Variants in KCNQ3 observed in about 807,000 individuals in gnomAD.
KCNQ3 encodes potassium voltage-gated channel subfamily KQT member 3.
KCNQ3 carries 30 observed loss-of-function variants against 92.5 expected under a neutral mutation model. That is an observed-to-expected ratio of 0.32 (90% CI 0.24 to 0.44). KCNQ3 has a LOEUF of 0.44. Ranked by LOEUF, KCNQ3 falls within the 20% of genes least tolerant of loss-of-function variation. The probability of loss-of-function intolerance (pLI) is 1.00; values close to 1 mark genes in which losing one functional copy is unlikely to be tolerated. For missense variants in KCNQ3, 913 were observed against 1,140.3 expected (o/e 0.80, Z 2.87); for synonymous variants, 450 against 468.8 (o/e 0.96, Z 0.52).
intron 1 of KCNQ3, among the ~76,000 whole-genome samples, chr8:132,456,406 A>G (rs1821938960): frequency 6.6e-6 from 1 of 151,976 alleles, no homozygotes; most frequent in African/African-American, 2.4e-5. Context: ...CCCCAGCTTA[A>G]TATGTTTCAT....
At chr8:132,163,574 G>T in intron 8 of KCNQ3, 80 bp from the exon 9 acceptor site, 1 of 1,192,344 alleles carries the variant, frequency 8.4e-7, no homozygotes, top group East Asian at 2.4e-5. Context: ...TTGCTGCAAA[G>T]CTTCTCTCTG....
At chr8:132,355,435 C>T (rs1818993111) in intron 1 of KCNQ3, among the ~76,000 whole-genome samples, 1 of 151,958 alleles carries the variant, frequency 6.6e-6, no homozygotes, top group Admixed American at 6.6e-5. Context: ...CCAAGCTGAG[C>T]CAATCAGAAT....
rs565408265 is a variant in KCNQ3 at position 132,366,769 on chromosome 8, A to G, written c.386+113378T>C. On this transcript the variant is annotated intron_variant, in intron 1 of 14. Coordinates refer to ENST00000388996, the MANE Select transcript of KCNQ3 (RefSeq NM_004519.4). ...TCAATTTACTGAGGTGAAAAATGTTATAGATCTCCTAATGTTACATACCAG... is the reference window on the plus strand; with the variant it reads ...TCAATTTACTGAGGTGAAAAATGTTGTAGATCTCCTAATGTTACATACCAG... 5.3e-5 allele frequency among the ~76,000 whole-genome samples: 8 copies of G among 152,330 alleles called. No homozygotes were observed. In the East Asian group the frequency reaches 1.2e-3, roughly 22 times the overall value.
intron 1 of KCNQ3, among the ~76,000 whole-genome samples, chr8:132,312,408 G>C (rs1817621193): frequency 6.6e-6 from 1 of 152,154 alleles, no homozygotes; most frequent in African/African-American, 2.4e-5. Flanking sequence ...GAACAGCTAT[G>C]ACAGACTATG....
At chr8:132,134,055 T>C (rs1479587404) in intron 13 of KCNQ3, among the ~76,000 whole-genome samples, 1 of 152,256 alleles carries the variant, frequency 6.6e-6, no homozygotes, top group Non-Finnish European at 1.5e-5. Flanking sequence ...ATTATCACTT[T>C]CAAAAGTTAC....
intron 1 of KCNQ3, among the ~76,000 whole-genome samples, chr8:132,252,830 G>A (rs375234261): frequency 1.4e-4 from 21 of 152,224 alleles, no homozygotes; most frequent in African/African-American, 3.9e-4. Flanking sequence ...GTCCCCACTC[G>A]ACCCAGGAAG....
chr8:132,187,112 A>G (rs1586813031), intron 1 of KCNQ3: 1 of 451,666 alleles, frequency 2.2e-6, no homozygotes, highest in East Asian at 7.0e-5. Flanking sequence ...TTTATAAGCT[A>G]GGGTTTATGG....
At chr8:132,248,897 G>A (rs936377584) in intron 1 of KCNQ3, among the ~76,000 whole-genome samples, 3 of 152,356 alleles carry the variant, frequency 2.0e-5, no homozygotes, top group African/African-American at 7.2e-5. Flanking sequence ...TCCCGGGTGT[G>A]CTGGTGTGTC....
intron 1 of KCNQ3, among the ~76,000 whole-genome samples, chr8:132,281,759 G>A (rs1350423749): frequency 6.6e-6 from 1 of 152,124 alleles, no homozygotes; most frequent in Non-Finnish European, 1.5e-5. Context: ...TTTACAAAGT[G>A]AGGTTCATGT....
intron 1 of KCNQ3, among the ~76,000 whole-genome samples, chr8:132,414,939 G>C (rs1471113023): frequency 6.6e-6 from 1 of 152,234 alleles, no homozygotes; most frequent in Non-Finnish European, 1.5e-5. Flanking sequence ...AGTGGGCTGA[G>C]TTAGGGCTCC....
intron 1 of KCNQ3, among the ~76,000 whole-genome samples, chr8:132,316,965 TA>T (rs1215252656): frequency 4.6e-5 from 7 of 152,074 alleles, no homozygotes; most frequent in African/African-American, 1.4e-4. Context: ...GGAAAGAAAC[TA>T]TGTTAATCTT....
intron 1 of KCNQ3, among the ~76,000 whole-genome samples, chr8:132,449,687 C>A (rs1232937493): frequency 1.3e-5 from 2 of 152,142 alleles, no homozygotes; most frequent in Admixed American, 1.3e-4. Context: ...TGATCCCAAA[C>A]AATGAAGTGA....
intron 1 of KCNQ3, among the ~76,000 whole-genome samples, chr8:132,414,560 A>C (rs1253664940): frequency 6.6e-6 from 1 of 152,232 alleles, no homozygotes; most frequent in African/African-American, 2.4e-5. Context: ...AGCAATGGCT[A>C]TACAACAGAT....
chr8:132,413,157 C>T (rs891658668), intron 1 of KCNQ3, among the ~76,000 whole-genome samples: 2 of 152,362 alleles, frequency 1.3e-5, no homozygotes, highest in South Asian at 2.1e-4. Context: ...AAAGTGTTCT[C>T]GCCACGCTAC....
chr8:132,457,828 C>G (rs911710428), intron 1 of KCNQ3, among the ~76,000 whole-genome samples: 2 of 152,152 alleles, frequency 1.3e-5, no homozygotes, highest in Non-Finnish European at 2.9e-5. Flanking sequence ...ACATATTATC[C>G]TATTTTACCA....
At chr8:132,345,045 C>G (rs2130693369) in intron 1 of KCNQ3, among the ~76,000 whole-genome samples, 1 of 152,296 alleles carries the variant, frequency 6.6e-6, no homozygotes, top group East Asian at 1.9e-4. Context: ...CTGTAATTTG[C>G]TGATCCAGGG....
chr8:132,292,757 T>C (rs1474728738), intron 1 of KCNQ3, among the ~76,000 whole-genome samples: 1 of 152,188 alleles, frequency 6.6e-6, no homozygotes, highest in Non-Finnish European at 1.5e-5. Context: ...TTGGGGCACT[T>C]TGGGCCTCAG....
At position 132,134,565 on chromosome 8, in the gene KCNQ3, G is replaced by A. The variant is rs558944696; in HGVS notation, c.1701-177C>T. ...GAGAGGAGAAGTGAGGAGAGGAGAG[G>A]GGAGGAGAGGAGAGGAAAGAGAGAG... On this transcript the variant is annotated intron_variant, in intron 12 of 14. Transcript: ENST00000388996. 9.5e-4 allele frequency among the ~76,000 whole-genome samples: 144 copies of A among 151,018 alleles called. 3 individuals are homozygous for A. In the East Asian group the frequency reaches 0.021, roughly 22 times the overall value.
intron 1 of KCNQ3, among the ~76,000 whole-genome samples, chr8:132,306,181 G>A (rs182547354): frequency 8.0e-4 from 122 of 152,238 alleles, no homozygotes; most frequent in African/African-American, 2.2e-3. Flanking sequence ...TCAAACGTGG[G>A]CATTTGAAAA....
Sources: gnomAD v4.1 joint callset for allele counts (sites outside exome capture counted in the v4.1 genomes callset) on GRCh38, gnomAD v4.1.1 for gene constraint, MANE v1.5 for transcripts, NCBI Gene and HGNC (gene_info 2026-07-23, HGNC 2026-07-21) for gene names.